The following PADI1 variants were observed in gnomAD, a reference collection of about 807,000 sequenced individuals.
PADI1 encodes protein-arginine deiminase type-1.
Under a neutral mutation model 74.8 loss-of-function variants are expected in PADI1, and 65 were observed. The ratio of observed to expected loss-of-function variants is 0.87; its 90% CI spans 0.71 to 1.07. PADI1 has a LOEUF of 1.07. Ranked by LOEUF, PADI1 falls within the 50% of genes least tolerant of loss-of-function variation. PADI1 has a pLI of 0.00. For missense variants in PADI1, 943 were observed against 854.0 expected, an observed-to-expected ratio of 1.10 and a Z score of -1.30; for synonymous variants, 371 against 336.2, an observed-to-expected ratio of 1.10 and a Z score of -1.13.
At chr1:17,219,434 A>T (rs185183539) in intron 1 of PADI1, among the ~76,000 whole-genome samples, 1 of 152,250 alleles carries the variant, frequency 6.6e-6, no homozygotes, top group Non-Finnish European at 1.5e-5. Context: ...TGGGTTGCTA[A>T]CAGGGGAGCT....
chr1:17,231,834 C>G lies in PADI1; in HGVS notation c.1162-985C>G, dbSNP rs2072497493. ...AGGGTACATGTGCCATGTTGGTGTG[C>G]TGCACCCATTAACTCGGCATTTACA... On this transcript the variant is annotated intron_variant, in intron 10 of 15. Coordinates refer to ENST00000375471, the MANE Select transcript of PADI1 (RefSeq NM_013358.3). Among the ~76,000 whole-genome samples the G allele has an allele frequency of 2.0e-5, 3 of 151,986 alleles. No homozygotes were observed. The South Asian group carries it at 6.2e-4, about 32-fold the overall frequency.
Position 17,230,200 on chromosome 1 carries a change from T to C in PADI1, c.1045T>C (p.Trp349Arg), listed in dbSNP as rs972143451. The C allele has an allele frequency of 6.2e-6, 10 of 1,613,616 alleles. No individual in the cohort carries two copies. Among genetic ancestry groups the C allele is most frequent in the South Asian group, 1.1e-5 (1 of 91,012 alleles). ...TCAAGTTGAAAATCGAAATGACCGC[T>C]GGATCCAGGTGGGAGCTGGGGGCAG... ...CPQVENRNDR[W>R]IQDEMEFGYI... Residue 349 changes from tryptophan to arginine, a missense_variant, in exon 9 of 16, where the codon TGG (tryptophan) becomes CGG (arginine). Transcript: ENST00000375471.
chr1:17,222,238 C>A (rs897765394), intron 1 of PADI1, 52 bp from the exon 2 acceptor site: 1 of 1,428,088 alleles, frequency 7.0e-7, no homozygotes, highest in Non-Finnish European at 9.8e-7. Context: ...TGGCCACTCC[C>A]CTGAAGAGAG....
At chr1:17,229,946 C>A (rs1472324067) in intron 8 of PADI1, 139 bp from the exon 9 acceptor site, 5 of 735,270 alleles carry the variant, frequency 6.8e-6, no homozygotes, top group Non-Finnish European at 1.1e-5. Context: ...TCCCCATGCG[C>A]CTATGAGCCT....
chr1:17,205,443 G>T (rs74058960), intron 1 of PADI1, 134 bp downstream of exon 1: 21,048 of 730,276 alleles, frequency 0.029, 2,307 homozygotes, highest in African/African-American at 0.28. Context: ...GGTGGAGTTG[G>T]CTGTGGAGTC....
chr1:17,223,067 C>T (rs1297263008), intron 2 of PADI1, among the ~76,000 whole-genome samples: 1 of 152,186 alleles, frequency 6.6e-6, no homozygotes, highest in Non-Finnish European at 1.5e-5. Flanking sequence ...CCCACCTCCT[C>T]TGCTTGCTAG....
At chr1:17,212,134 G>A (rs1380057774) in intron 1 of PADI1, among the ~76,000 whole-genome samples, 2 of 152,198 alleles carry the variant, frequency 1.3e-5, no homozygotes, top group African/African-American at 4.8e-5. Context: ...TCAGCCTCCA[G>A]GCAGATCCCT....
At chr1:17,223,985 C>T (rs1020598382) in intron 3 of PADI1, among the ~76,000 whole-genome samples, 3 of 152,278 alleles carry the variant, frequency 2.0e-5, no homozygotes, top group Non-Finnish European at 4.4e-5. Context: ...ACCTCCAAGA[C>T]CCAGCACGGA....
At position 17,230,965 on chromosome 1, in the gene PADI1, G is replaced by T. The variant is rs543076026; in HGVS notation, c.1161+286G>T. Among the ~76,000 whole-genome samples, 9 of 152,320 alleles carry T rather than the reference G, an allele frequency of 5.9e-5. 1 individual carries two copies. The highest frequency in any genetic ancestry group is 2.2e-4 in the African/African-American group (9 of 41,574). ...GATAAGGCGGCTGGTCACCAAGGGG[G>T]AATTGGCAGTGTGGTCAGCTCTGGG... On this transcript the variant is annotated intron_variant, in intron 10 of 15. Coordinates refer to ENST00000375471, the MANE Select transcript of PADI1 (RefSeq NM_013358.3).
chr1:17,221,471 G>A (rs11203333), intron 1 of PADI1, among the ~76,000 whole-genome samples: 51,365 of 97,116 alleles, frequency 0.53, 9,918 homozygotes, highest in African/African-American at 0.61. Flanking sequence ...TCTGTCTCAA[G>A]AAAAAAAAAA....
In PADI1 at chr1:17,228,610, T is replaced by C; in HGVS notation, c.653-15T>C. ...CCCTGTCTCCTCGCTAGCCCCTGAC[T>C]CTTGTTCTTCCTAGGTGGGAATTCT... On this transcript the variant is annotated splice_polypyrimidine_tract_variant and intron_variant, in intron 6 of 15. Coordinates refer to ENST00000375471, the MANE Select transcript of PADI1 (RefSeq NM_013358.3). 6.2e-7 allele frequency: 1 copy of C among 1,614,038 alleles called. No individual in the cohort carries two copies.
Position 17,232,804 on chromosome 1 carries a change from C to T in PADI1, c.1162-15C>T. ...TCTCCTTCTTGGGGTGGGGGTCTCG[C>T]TGGTTCTTCCATAGGGTCCTGACTT... On this transcript the variant is annotated splice_polypyrimidine_tract_variant and intron_variant, in intron 10 of 15. Coordinates refer to ENST00000375471, the MANE Select transcript of PADI1 (RefSeq NM_013358.3). The T allele has an allele frequency of 6.2e-7, 1 of 1,603,692 alleles. No individual in the cohort carries two copies. Among genetic ancestry groups the T allele is most frequent in the African/African-American group, 1.3e-5 (1 of 74,722 alleles).
At chr1:17,206,458 G>A (rs961851440) in intron 1 of PADI1, among the ~76,000 whole-genome samples, 5 of 152,110 alleles carry the variant, frequency 3.3e-5, no homozygotes, top group South Asian at 2.1e-4. Flanking sequence ...TGGGAGCCCC[G>A]CTGTGGGGGC....
At chr1:17,208,054 T>G (rs2071727514) in intron 1 of PADI1, among the ~76,000 whole-genome samples, 1 of 152,238 alleles carries the variant, frequency 6.6e-6, no homozygotes, top group East Asian at 1.9e-4. Context: ...AGTGATGAAC[T>G]TGGGGCCTCC....
chr1:17,228,870 G>C, intron 7 of PADI1, 73 bp downstream of exon 7: 1 of 1,593,934 alleles, frequency 6.3e-7, no homozygotes, highest in Non-Finnish European at 8.6e-7. Flanking sequence ...TCCAGGGCTG[G>C]GCAGGCTGGG....
In PADI1 at chr1:17,205,309, G is replaced by A. The variant is rs781576852; in HGVS notation, c.92G>A (p.Ser31Asn). The change falls in exon 1 of 16, where the codon AGT becomes AAT. Residue 31 changes from serine to asparagine, a missense_variant and splice_region_variant. Coordinates refer to ENST00000375471, the MANE Select transcript of PADI1 (RefSeq NM_013358.3). ...VGVEAHVDIH[S>N]DVPKGANSFR... is the part of the protein sequence containing the mutation. ...GTCGAGGCACATGTGGACATTCACA[G>A]GTAAGAGCTGGGAGGCGCTCTCCTG... 2 of 1,613,024 alleles carry A rather than the reference G, an allele frequency of 1.2e-6. No homozygotes were observed. The highest frequency in any genetic ancestry group is 1.7e-4 in the Middle Eastern group (1 of 6,056).
chr1:17,206,912 C>A (rs1207120273), intron 1 of PADI1, among the ~76,000 whole-genome samples: 1 of 152,006 alleles, frequency 6.6e-6, no homozygotes, highest in East Asian at 1.9e-4. Flanking sequence ...AACTCCTGAC[C>A]TCAAGTGATC....
chr1:17,237,392 C>T lies in PADI1; in HGVS notation c.1392C>T (p.Tyr464=). The T allele has an allele frequency of 1.9e-6, 3 of 1,613,954 alleles. No individual in the cohort carries two copies. In the South Asian group the frequency reaches 3.3e-5, roughly 18 times the overall value. ...AQQVQAPVEL[Y]SDWLSVGHVD... ...AGGTGCAGGCACCCGTGGAGCTCTA[C>T]TCGGACTGGCTCTCTGTGGGCCATG... is the stretch of plus-strand genomic sequence containing the variant. The change falls in exon 12 of 16, where the codon TAC becomes TAT. Residue 464 remains tyrosine, a synonymous_variant. Coordinates refer to ENST00000375471, the MANE Select transcript of PADI1 (RefSeq NM_013358.3).
Position 17,226,166 on chromosome 1 carries a change from G to T in PADI1, c.652+8G>T, listed in dbSNP as rs2072305568. The T allele has an allele frequency of 1.2e-6, 2 of 1,613,750 alleles. No individual in the cohort carries two copies. Among genetic ancestry groups the T allele is most frequent in the Admixed American group, 1.7e-5 (1 of 59,990 alleles). ...GGGTCTTCTGTGCCAGGGGTGAGTG[G>T]CCTGATGGGGCCTTTTCCTCCCAGC... On this transcript the variant is annotated splice_region_variant and intron_variant, in intron 6 of 15. Coordinates refer to ENST00000375471, the MANE Select transcript of PADI1 (RefSeq NM_013358.3).
Sources: gnomAD v4.1 joint callset for allele counts (sites outside exome capture counted in the v4.1 genomes callset) on GRCh38, gnomAD v4.1.1 for gene constraint, MANE v1.5 for transcripts, NCBI Gene and HGNC (gene_info 2026-07-23, HGNC 2026-07-21) for gene names.